WDR7: variants seen among roughly 807,000 people sequenced by gnomAD.
WDR7 encodes the protein WD repeat domain 7.
A neutral mutation model predicts 169.4 loss-of-function variants in WDR7; 46 were observed. The observed-to-expected ratio is 0.27, with a 90% confidence interval of 0.21 to 0.35. The LOEUF is 0.35. Ranked by LOEUF, WDR7 falls within the 10% of genes least tolerant of loss-of-function variation. WDR7 has a pLI of 1.00. For synonymous variants in WDR7, 612 were observed against 666.8 expected (o/e 0.92, Z 1.27); for missense variants, 1,534 against 1,859.3 (o/e 0.83, Z 3.22).
chr18:56,885,826 CAA>C (rs1191655744), intron 21 of WDR7, among the ~76,000 whole-genome samples: 11,499 of 76,508 alleles, frequency 0.15, 1,065 homozygotes, highest in African/African-American at 0.33. Context: ...GACTCTGTCT[CAA>C]AAAAAAAAAA....
At chr18:56,700,663 G>C (rs1233412654) in intron 12 of WDR7, among the ~76,000 whole-genome samples, 5 of 147,018 alleles carry the variant, frequency 3.4e-5, no homozygotes, top group African/African-American at 1.0e-4. Flanking sequence ...TCCGCCTCCC[G>C]GGTTCACGCC....
chr18:56,806,022 C>CAT (rs2044767748), intron 19 of WDR7, among the ~76,000 whole-genome samples: 1 of 152,142 alleles, frequency 6.6e-6, no homozygotes, highest in African/African-American at 2.4e-5. Context: ...AATTCTTATA[C>CAT]ATATTTCAAG....
chr18:56,679,704 A>G (rs1044324131), intron 3 of WDR7, among the ~76,000 whole-genome samples: 1 of 152,180 alleles, frequency 6.6e-6, no homozygotes, highest in African/African-American at 2.4e-5. Flanking sequence ...ATAAAAGTTA[A>G]AGCACGATCA....
chr18:56,911,859 A>G (rs1311341964), intron 21 of WDR7, among the ~76,000 whole-genome samples: 2 of 152,118 alleles, frequency 1.3e-5, no homozygotes, highest in Non-Finnish European at 2.9e-5. Flanking sequence ...TTCTTGCCAT[A>G]TTTTTGGTTG....
At chr18:56,940,142 T>C (rs1023394122) in intron 25 of WDR7, among the ~76,000 whole-genome samples, 1 of 152,130 alleles carries the variant, frequency 6.6e-6, no homozygotes, top group Non-Finnish European at 1.5e-5. Context: ...TTGAAGATAA[T>C]TGTTTTTGTA....
intron 26 of WDR7, among the ~76,000 whole-genome samples, chr18:56,971,446 A>G (rs893936303): frequency 2.0e-5 from 3 of 152,190 alleles, no homozygotes; most frequent in Non-Finnish European, 2.9e-5. Flanking sequence ...ACTGTATTAT[A>G]GGCAAGAGAT....
chr18:56,803,633 G>A (rs1249703048), intron 19 of WDR7, among the ~76,000 whole-genome samples: 3 of 152,110 alleles, frequency 2.0e-5, no homozygotes, highest in Non-Finnish European at 4.4e-5. Context: ...TGAATATTCA[G>A]TATTTTCCTG....
chr18:56,984,777 G>A (rs1455789606), intron 26 of WDR7, among the ~76,000 whole-genome samples: 1 of 152,146 alleles, frequency 6.6e-6, no homozygotes, highest in Non-Finnish European at 1.5e-5. Flanking sequence ...GGATGAATTT[G>A]TGATTGTTAG....
chr18:56,968,203 G>GT (rs2047438271), intron 26 of WDR7, among the ~76,000 whole-genome samples: 1 of 152,002 alleles, frequency 6.6e-6, no homozygotes, highest in Non-Finnish European at 1.5e-5. Context: ...CTATTGAAAA[G>GT]TTTTAAGTTC....
intron 26 of WDR7, among the ~76,000 whole-genome samples, chr18:56,987,300 A>G (rs2047737127): frequency 6.6e-6 from 1 of 151,314 alleles, no homozygotes; most frequent in Admixed American, 6.6e-5. Context: ...AAAAAAAAAA[A>G]AAAAAAAAAA....
intron 8 of WDR7, 23 bp from the exon 9 acceptor site, chr18:56,691,685 AATTGAAT>A: frequency 6.4e-7 from 1 of 1,566,522 alleles, no homozygotes. Context: ...TCAGTATTTT[AATTGAAT>A]ATTGTATTTT....
At chr18:56,847,239 C>A (rs2045581232) in intron 20 of WDR7, among the ~76,000 whole-genome samples, 1 of 152,108 alleles carries the variant, frequency 6.6e-6, no homozygotes, top group Non-Finnish European at 1.5e-5. Flanking sequence ...TGTGTCCAGA[C>A]CCTAAGGCCC....
chr18:56,774,896 T>G (rs550075304), intron 16 of WDR7, among the ~76,000 whole-genome samples: 1 of 152,158 alleles, frequency 6.6e-6, no homozygotes, highest in South Asian at 2.1e-4. Flanking sequence ...TGTAAATGCC[T>G]TTTTTTCTAA....
chr18:56,655,805 C>G (rs1188454489), intron 1 of WDR7, among the ~76,000 whole-genome samples: 1 of 152,126 alleles, frequency 6.6e-6, no homozygotes, highest in East Asian at 1.9e-4. Context: ...AATCCTATAG[C>G]ATGTAATCTT....
At chr18:56,878,147 C>T (rs939777692) in intron 20 of WDR7, among the ~76,000 whole-genome samples, 1 of 152,130 alleles carries the variant, frequency 6.6e-6, no homozygotes, top group African/African-American at 2.4e-5. Context: ...AAGTAACATT[C>T]CTATTATGCC....
intron 20 of WDR7, among the ~76,000 whole-genome samples, chr18:56,830,346 T>C (rs2045286846): frequency 6.6e-6 from 1 of 152,252 alleles, no homozygotes; most frequent in African/African-American, 2.4e-5. Context: ...TTCTTCATGA[T>C]GAATTTTTTT....
At chr18:56,661,842 T>G (rs949472530) in intron 1 of WDR7, among the ~76,000 whole-genome samples, 1 of 152,160 alleles carries the variant, frequency 6.6e-6, no homozygotes, top group African/African-American at 2.4e-5. Flanking sequence ...CAGGTTTGTT[T>G]TCCAAGTCTT....
At chr18:56,997,345 C>T (rs189737301) in intron 26 of WDR7, among the ~76,000 whole-genome samples, 240 of 152,284 alleles carry the variant, frequency 1.6e-3, no homozygotes, top group Non-Finnish European at 2.7e-3. Flanking sequence ...GAGAAGACAA[C>T]GTTCATTCTT....
intron 26 of WDR7, among the ~76,000 whole-genome samples, chr18:57,019,739 G>C (rs1444168446): frequency 6.6e-6 from 1 of 152,056 alleles, no homozygotes; most frequent in Non-Finnish European, 1.5e-5. Context: ...TAACAAGCCT[G>C]ATGCTCCCAC....
Sources: gnomAD v4.1 joint callset for allele counts (sites outside exome capture counted in the v4.1 genomes callset) on GRCh38, gnomAD v4.1.1 for gene constraint, MANE v1.5 for transcripts, NCBI Gene and HGNC (gene_info 2026-07-23, HGNC 2026-07-21) for gene names.